Variants in FTCDNL1 observed in about 807,000 individuals in gnomAD.
FTCDNL1 encodes the protein formiminotransferase N-terminal subdomain-containing protein.
Under a neutral mutation model 5.9 loss-of-function variants are expected in FTCDNL1, and 11 were observed. The ratio of observed to expected loss-of-function variants is 1.87; its 90% CI spans 1.18 to 3.10. The LOEUF is 3.10. FTCDNL1 is among the 30% of genes most tolerant of loss of function. FTCDNL1 has a pLI of 0.00. For missense variants in FTCDNL1, 115 were observed against 65.5 expected (o/e 1.76, Z -2.61); for synonymous variants, 58 against 24.8 (o/e 2.34, Z -3.99).
At chr2:199,691,809 G>A in the FTCDNL1 span, among the ~76,000 whole-genome samples, 1 of 152,082 alleles carries the variant, frequency 6.6e-6, no homozygotes, top group Non-Finnish European at 1.5e-5. Context: ...ATAACTTGAT[G>A]AGATTGATAT....
chr2:199,749,716 G>A, the FTCDNL1 span, among the ~76,000 whole-genome samples: 8 of 152,138 alleles, frequency 5.3e-5, no homozygotes, highest in Non-Finnish European at 1.2e-4. Context: ...ACAGATGAGA[G>A]AGCTGCCTAC....
Position 199,774,626 on chromosome 2 carries a change from T to C in FTCDNL1, c.212-13791A>G, listed in dbSNP as rs1698971697. Among the ~76,000 whole-genome samples, 6 of 152,116 alleles carry C rather than the reference T, an allele frequency of 3.9e-5. No individual in the cohort carries two copies. In the South Asian group the frequency reaches 1.2e-3, roughly 32 times the overall value. On this transcript the variant is annotated intron_variant, in intron 3 of 3. Transcript: ENST00000416668. ...AACGGGTTTTAAGGGTTTTTTTTAG[T>C]GCACCCACCCAGGTATCCCCTTTCT...
chr2:199,809,766 A>G lies in FTCDNL1; in HGVS notation c.*2939T>C, dbSNP rs1700928630. The stretch of plus-strand genomic sequence containing the variant: ...CCATCATGCCATCTCCCCAATATAA[A>G]CATTTCAAAATTCTATATCTGGTTT... On this transcript the variant is annotated 3_prime_UTR_variant, in exon 5 of 5. Coordinates refer to ENST00000420128, the MANE Select transcript of FTCDNL1 (RefSeq NM_001363886.2). 6.6e-6 allele frequency among the ~76,000 whole-genome samples: 1 copy of G among 152,186 alleles called. No homozygotes were observed.
At chr2:199,675,552 AT>A in the FTCDNL1 span, among the ~76,000 whole-genome samples, 3 of 151,610 alleles carry the variant, frequency 2.0e-5, no homozygotes, top group South Asian at 2.1e-4. Flanking sequence ...ATAGAAATTG[AT>A]TTTTTTTTCT....
intron 3 of FTCDNL1, among the ~76,000 whole-genome samples, chr2:199,799,829 C>T (rs1700355215): frequency 6.6e-6 from 1 of 151,980 alleles, no homozygotes; most frequent in South Asian, 2.1e-4. Flanking sequence ...TTTGCCATTC[C>T]CAGACCCTTC....
chr2:199,699,719 T>A, the FTCDNL1 span, among the ~76,000 whole-genome samples: 1 of 152,200 alleles, frequency 6.6e-6, no homozygotes, highest in Non-Finnish European at 1.5e-5. Context: ...GTAGGCTTTG[T>A]TTTTGGGATG....
At chr2:199,797,940 G>A (rs1700251802) in intron 3 of FTCDNL1, among the ~76,000 whole-genome samples, 1 of 152,160 alleles carries the variant, frequency 6.6e-6, no homozygotes, top group South Asian at 2.1e-4. Context: ...ACAGGAAGAG[G>A]CATGAGGAGC....
chr2:199,832,110 T>C (rs1463029372), intron 3 of FTCDNL1, among the ~76,000 whole-genome samples: 8 of 152,214 alleles, frequency 5.3e-5, no homozygotes, highest in Non-Finnish European at 1.0e-4. Flanking sequence ...GTTATTTCCT[T>C]GCATATAACA....
chr2:199,846,246 T>C, intron 2 of FTCDNL1, 76 bp from the exon 3 acceptor site: 1 of 600,678 alleles, frequency 1.7e-6, no homozygotes, highest in Non-Finnish European at 3.0e-6. Context: ...TCTTCTGGTA[T>C]ATTTAAATTT....
downstream of FTCDNL1, among the ~76,000 whole-genome samples, chr2:199,804,695 G>A (rs1393296416): frequency 6.6e-6 from 1 of 152,096 alleles, no homozygotes; most frequent in Non-Finnish European, 1.5e-5. Flanking sequence ...GTTTGTGTTA[G>A]GAGCTATGTT....
intron 3 of FTCDNL1, among the ~76,000 whole-genome samples, chr2:199,776,831 T>C (rs11677090): frequency 0.62 from 93,646 of 151,714 alleles, 30,085 homozygotes; most frequent in East Asian, 0.84. Context: ...TGTATGATTA[T>C]ATATTCCCTA....
At chr2:199,793,303 T>A (rs1700017268) in intron 3 of FTCDNL1, among the ~76,000 whole-genome samples, 1 of 152,212 alleles carries the variant, frequency 6.6e-6, no homozygotes, top group African/African-American at 2.4e-5. Flanking sequence ...GCATAATTCT[T>A]ATCTAGTCCT....
In FTCDNL1 at chr2:199,842,928, C is replaced by T. The variant is rs183584997; in HGVS notation, c.211+3147G>A. ...CTTCTGCCTCATAAGAATGCCTGAG[C>T]ATGCTGTTACAAAAAAAAAAAAAAA... On this transcript the variant is annotated intron_variant, in intron 3 of 4. Coordinates refer to ENST00000420128, the MANE Select transcript of FTCDNL1 (RefSeq NM_001363886.2). 3.8e-3 allele frequency among the ~76,000 whole-genome samples: 494 copies of T among 130,942 alleles called. 13 individuals carry two copies. The Admixed American group carries it at 0.038, about 10-fold the overall frequency. The allele number at this position is 130,942 out of a possible 152,430, so 85.9% of individuals were successfully genotyped here.
chr2:199,682,989 G>A, the FTCDNL1 span, among the ~76,000 whole-genome samples: 2 of 152,180 alleles, frequency 1.3e-5, no homozygotes, highest in African/African-American at 4.8e-5. Context: ...CTCAATGAAT[G>A]TCATCATTTG....
chr2:199,703,482 T>C, the FTCDNL1 span, among the ~76,000 whole-genome samples: 1 of 152,258 alleles, frequency 6.6e-6, no homozygotes. Flanking sequence ...ATATATTTAT[T>C]AGGTAAACTA....
intron 3 of FTCDNL1, among the ~76,000 whole-genome samples, chr2:199,839,495 A>G (rs531960333): frequency 6.6e-6 from 1 of 152,322 alleles, no homozygotes; most frequent in South Asian, 2.1e-4. Context: ...TGGGGCTTTT[A>G]GAAAGAACTG....
At chr2:199,752,384 T>C in the FTCDNL1 span, among the ~76,000 whole-genome samples, 1 of 152,240 alleles carries the variant, frequency 6.6e-6, no homozygotes, top group Non-Finnish European at 1.5e-5. Flanking sequence ...TTGGCTGCAG[T>C]GCCCAGATAT....
chr2:199,798,033 T>G (rs779593511), intron 3 of FTCDNL1, among the ~76,000 whole-genome samples: 4 of 152,156 alleles, frequency 2.6e-5, no homozygotes, highest in African/African-American at 9.7e-5. Flanking sequence ...ATGTCTGTCT[T>G]TATGAGGAAT....
intron 3 of FTCDNL1, 108 bp downstream of exon 3, chr2:199,845,967 T>C: frequency 3.8e-6 from 2 of 522,200 alleles, no homozygotes; most frequent in Admixed American, 6.4e-5. Flanking sequence ...CTTTACTTAA[T>C]AGAGGGGAGT....
Sources: allele counts gnomAD v4.1 joint callset (sites outside exome capture counted in the v4.1 genomes callset), GRCh38; gene constraint gnomAD v4.1.1; transcripts MANE v1.5; gene names NCBI Gene and HGNC (gene_info 2026-07-23, HGNC 2026-07-21).